Variants in LIMCH1 observed in about 807,000 individuals in gnomAD.
The protein encoded by LIMCH1 is LIM and calponin homology domains-containing protein 1.
In LIMCH1, 113 loss-of-function variants were observed where a neutral mutation model predicts 176.5. That is an observed-to-expected ratio of 0.64 (90% CI 0.55 to 0.75). The LOEUF (loss-of-function observed/expected upper bound fraction) is 0.75. LIMCH1 is among the 30% of genes least tolerant of loss of function. LIMCH1 has a pLI of 0.00. For missense variants in LIMCH1, 1,674 were observed against 1,814.9 expected, an observed-to-expected ratio of 0.92 and a Z score of 1.41; for synonymous variants, 619 against 645.9, an observed-to-expected ratio of 0.96 and a Z score of 0.63.
chr4:41,538,809 C>T (rs2078255880), intron 1 of LIMCH1, among the ~76,000 whole-genome samples: 1 of 152,078 alleles, frequency 6.6e-6, no homozygotes, highest in South Asian at 2.1e-4. Flanking sequence ...CCACAGCCCC[C>T]TTTGCTTTTT....
chr4:41,523,131 T>A (rs150657712), intron 2 of LIMCH1, among the ~76,000 whole-genome samples: 626 of 152,276 alleles, frequency 4.1e-3, no homozygotes, highest in African/African-American at 8.6e-3. Context: ...TCAAAGATAG[T>A]CTAAATTCAA....
chr4:41,531,474 TCACACACA>T (rs59275736), intron 3 of LIMCH1, among the ~76,000 whole-genome samples: 2,225 of 127,066 alleles, frequency 0.018, 43 homozygotes, highest in African/African-American at 0.055. Flanking sequence ...TCTTTCTCTG[TCACACACA>T]CACACACACA....
At chr4:41,377,108 G>C (rs2054877746) in intron 1 of LIMCH1, among the ~76,000 whole-genome samples, 1 of 152,108 alleles carries the variant, frequency 6.6e-6, no homozygotes, top group South Asian at 2.1e-4. Flanking sequence ...AAACCCAGTG[G>C]CAGATGGCAA....
intron 1 of LIMCH1, among the ~76,000 whole-genome samples, chr4:41,582,575 A>T (rs537711128): frequency 6.6e-6 from 1 of 152,280 alleles, no homozygotes; most frequent in East Asian, 1.9e-4. Flanking sequence ...TCAACCATTT[A>T]TGTTGGTTCA....
At chr4:41,479,427 G>T (rs1234356319) in intron 1 of LIMCH1, among the ~76,000 whole-genome samples, 3 of 151,954 alleles carry the variant, frequency 2.0e-5, no homozygotes, top group Non-Finnish European at 4.4e-5. Context: ...AAATTTTTTT[G>T]TTTTTTTATA....
At chr4:41,486,160 T>C (rs1223560743) in intron 1 of LIMCH1, among the ~76,000 whole-genome samples, 1 of 152,202 alleles carries the variant, frequency 6.6e-6, no homozygotes, top group Non-Finnish European at 1.5e-5. Context: ...TTTCCCCTAC[T>C]GGCCCCTGAA....
rs139738687 is a variant in LIMCH1, at chr4:41,661,472, G to A, written c.3089G>A (p.Gly1030Glu). 721 of 1,612,746 alleles carry A rather than the reference G, an allele frequency of 4.5e-4. 4 individuals are homozygous for A. The Middle Eastern group carries it at 0.012, about 26-fold the overall frequency. Residue 1030 changes from glycine (G) to glutamate (E), a missense_variant, in exon 19 of 32, where the codon GGA becomes GAA. By Grantham distance (98) the Gly-to-Glu change is moderately conservative. This residue lies in a region of LIMCH1 where 1,015 missense variants were observed against 1,102.5 expected (regional missense o/e 0.92). Coordinates refer to ENST00000503057, the MANE Select transcript of LIMCH1 (RefSeq NM_001330672.2). ...AGTCAAGAGGACAAGAATGATGGTG[G>A]AAAATCAAGAAAAGGGAATATAGAA... is the stretch of plus-strand genomic sequence containing the variant. ...PNSQEDKNDG[G>E]KSRKGNIELA... is the part of the protein sequence containing the mutation.
chr4:41,632,713 C>A (rs999038010), intron 10 of LIMCH1, 36 bp from the exon 11 acceptor site: 2 of 1,490,286 alleles, frequency 1.3e-6, no homozygotes, highest in African/African-American at 1.4e-5. Context: ...ATGTTCCTCT[C>A]CTCTCTTGCC....
At chr4:41,494,285 A>G (rs2071626790) in intron 1 of LIMCH1, among the ~76,000 whole-genome samples, 2 of 149,772 alleles carry the variant, frequency 1.3e-5, no homozygotes, top group South Asian at 4.2e-4. Context: ...GATTATTGAA[A>G]AAAAATTATA....
chr4:41,650,014 C>T (rs1448775342), intron 17 of LIMCH1, among the ~76,000 whole-genome samples: 1 of 152,156 alleles, frequency 6.6e-6, no homozygotes, highest in Non-Finnish European at 1.5e-5. Context: ...TCCAGAAAAA[C>T]AGTCAAGGTT....
In LIMCH1 at chr4:41,498,351, C is replaced by T. The variant is rs189745943; in HGVS notation, c.167+3745C>T. ...TCCATATGGCTTTGAATATGCAACT[C>T]CTATGCCGGAATACTAATACATAAA... is the stretch of plus-strand genomic sequence containing the variant. On this transcript the variant is annotated intron_variant, in intron 2 of 26. Transcript: ENST00000313860. Among the ~76,000 whole-genome samples, 161 of 152,274 alleles carry T rather than the reference C, an allele frequency of 1.1e-3. 1 individual carries two copies. Among genetic ancestry groups the T allele is most frequent in the African/African-American group, 3.7e-3 (152 of 41,534 alleles).
intron 13 of LIMCH1, 142 bp downstream of exon 13, chr4:41,633,950 G>T (rs1013685600): frequency 1.5e-5 from 14 of 930,474 alleles, no homozygotes; most frequent in Non-Finnish European, 1.9e-5. Flanking sequence ...CCTCATCTGC[G>T]AAGAAATTTT....
intron 18 of LIMCH1, among the ~76,000 whole-genome samples, chr4:41,654,079 G>T (rs2094392925): frequency 6.6e-6 from 1 of 152,162 alleles, no homozygotes; most frequent in African/African-American, 2.4e-5. Flanking sequence ...GGAAAAAAAT[G>T]TTCATAAAGC....
chr4:41,679,426 AG>A (rs1713813462), intron 23 of LIMCH1, among the ~76,000 whole-genome samples: 1 of 152,200 alleles, frequency 6.6e-6, no homozygotes, highest in Non-Finnish European at 1.5e-5. Context: ...GCAGTTCTGA[AG>A]AAGTACTCTA....
chr4:41,550,039 A>T (rs185946706), intron 1 of LIMCH1, among the ~76,000 whole-genome samples: 195 of 151,818 alleles, frequency 1.3e-3, no homozygotes, highest in African/African-American at 3.9e-3. Context: ...GAAAACCACA[A>T]TTACTTTTGT....
Position 41,684,473 on chromosome 4 carries a change from G to A in LIMCH1, c.3922G>A (p.Glu1308Lys), listed in dbSNP as rs775542476. Reference sequence around the variant, plus strand: ...CCATGAAGACCATCAGCTGGATACCGAGGCTGGGGCCCCACACTGTGGAAC... The same window carrying A: ...CCATGAAGACCATCAGCTGGATACCAAGGCTGGGGCCCCACACTGTGGAAC... ...GVHEDHQLDT[E>K]AGAPHCGTNP... is the part of the protein sequence containing the mutation. Residue 1308 changes from glutamate to lysine, a missense_variant, in exon 27 of 32, where the codon GAG becomes AAG. Physicochemically the swap from Glu to Lys is moderately conservative, Grantham distance 56. Coordinates refer to ENST00000503057, the MANE Select transcript of LIMCH1 (RefSeq NM_001330672.2). The A allele has an allele frequency of 3.7e-6, 6 of 1,613,688 alleles. No homozygotes were observed. The highest frequency in any genetic ancestry group is 1.7e-5 in the Admixed American group (1 of 59,980).
chr4:41,394,597 G>A (rs570649778), intron 1 of LIMCH1, among the ~76,000 whole-genome samples: 1 of 152,220 alleles, frequency 6.6e-6, no homozygotes, highest in East Asian at 1.9e-4. Context: ...GGAAATTACT[G>A]CTCTTCTTGA....
chr4:41,646,028 T>G (rs899584353), intron 15 of LIMCH1, 95 bp from the exon 16 acceptor site: 10 of 1,286,896 alleles, frequency 7.8e-6, no homozygotes, highest in Non-Finnish European at 9.7e-6. Context: ...CCATAGTCAG[T>G]TCTCTAAAGA....
At chr4:41,613,192 T>C in intron 4 of LIMCH1, 1 of 1,148,296 alleles carries the variant, frequency 8.7e-7, no homozygotes, top group Non-Finnish European at 1.3e-6. Context: ...CTTTCTCTAC[T>C]CTTTTTTTTT....
Sources: gnomAD v4.1 joint callset for allele counts (sites outside exome capture counted in the v4.1 genomes callset) on GRCh38, gnomAD v4.1.1 for gene constraint, gnomAD v4.1.1 regional missense constraint, MANE v1.5 for transcripts, NCBI Gene and HGNC (gene_info 2026-07-23, HGNC 2026-07-21) for gene names.